The following ROBO2 variants were observed in gnomAD, a reference collection of about 807,000 sequenced individuals.
The protein encoded by ROBO2 is roundabout homolog 2.
ROBO2 carries 53 observed loss-of-function variants against 160.8 expected under a neutral mutation model. The observed-to-expected ratio is 0.33, with a 90% CI of 0.26 to 0.41. The LOEUF is 0.41. Ranked by LOEUF, ROBO2 falls within the 10% of genes least tolerant of loss-of-function variation. The probability of loss-of-function intolerance (pLI) is 1.00; values close to 1 mark genes in which losing one functional copy is unlikely to be tolerated. For synonymous variants in ROBO2, 664 were observed against 611.7 expected (o/e 1.09, Z -1.26); for missense variants, 1,577 against 1,722.4 (o/e 0.92, Z 1.49).
intron 2 of ROBO2, among the ~76,000 whole-genome samples, chr3:77,117,756 C>A (rs773756381): frequency 7.9e-5 from 12 of 152,110 alleles, no homozygotes; most frequent in Non-Finnish European, 1.6e-4. Context: ...ATTTGTAAAT[C>A]TTTCATGTGA....
chr3:76,522,311 A>G (rs1453215905), intron 2 of ROBO2, among the ~76,000 whole-genome samples: 1 of 152,040 alleles, frequency 6.6e-6, no homozygotes, highest in Non-Finnish European at 1.5e-5. Context: ...TTTCCTTGCA[A>G]TTACCCTATG....
chr3:76,578,599 G>A (rs1266857493), intron 2 of ROBO2, among the ~76,000 whole-genome samples: 2 of 151,970 alleles, frequency 1.3e-5, no homozygotes, highest in African/African-American at 4.8e-5. Flanking sequence ...TGGCCTCCAC[G>A]GAGCCTCATT....
At chr3:77,035,174 TA>T (rs1436990860), upstream of ROBO2, among the ~76,000 whole-genome samples, 10 of 152,018 alleles carry the variant, frequency 6.6e-5, no homozygotes, top group East Asian at 1.9e-3. Context: ...AACTCCTTTT[TA>T]ATTTTAGTTT....
intron 1 of ROBO2, among the ~76,000 whole-genome samples, chr3:75,924,239 A>T (rs1317794140): frequency 6.6e-6 from 1 of 152,120 alleles, no homozygotes; most frequent in Admixed American, 6.5e-5. Flanking sequence ...ACCTGACCTT[A>T]AAATGGAGAG....
chr3:76,041,640 C>T lies in ROBO2; in HGVS notation c.109+104038C>T, dbSNP rs576739629. Among the ~76,000 whole-genome samples the T allele has an allele frequency of 1.2e-4, 18 of 151,810 alleles. 1 individual carries two copies. The highest frequency in any genetic ancestry group is 4.1e-4 in the African/African-American group (17 of 41,322). ...AACTTTATAGAATTTTTTGTTTTTT[C>T]ATGTTCTTAATACCACAAAACACTT... On this transcript the variant is annotated intron_variant, in intron 2 of 26. Coordinates refer to the ROBO2 transcript ENST00000487694.
chr3:77,534,073 G>C (rs1346740351), intron 6 of ROBO2, among the ~76,000 whole-genome samples: 2 of 152,084 alleles, frequency 1.3e-5, no homozygotes, highest in Non-Finnish European at 2.9e-5. Flanking sequence ...ATTGATAAAG[G>C]ATTAAGGCTA....
chr3:76,666,477 T>C (rs796908263), intron 2 of ROBO2, among the ~76,000 whole-genome samples: 95 of 152,208 alleles, frequency 6.2e-4, no homozygotes, highest in African/African-American at 2.0e-3. Context: ...AGTAAAACAT[T>C]AGTGAATTTG....
chr3:77,599,538 C>G (rs1343785505), intron 19 of ROBO2, among the ~76,000 whole-genome samples: 1 of 151,010 alleles, frequency 6.6e-6, no homozygotes, highest in Admixed American at 6.6e-5. Context: ...AGGAGATATA[C>G]CTAATGTTAA....
chr3:76,921,422 A>G (rs908742131), intron 2 of ROBO2, among the ~76,000 whole-genome samples: 1 of 151,926 alleles, frequency 6.6e-6, no homozygotes, highest in Non-Finnish European at 1.5e-5. Flanking sequence ...GACTAGCCTG[A>G]CCAACATGGT....
chr3:76,779,231 G>A (rs1225100057), intron 2 of ROBO2, among the ~76,000 whole-genome samples: 1 of 150,942 alleles, frequency 6.6e-6, no homozygotes, highest in Non-Finnish European at 1.5e-5. Flanking sequence ...CACAAAGTAA[G>A]GAGTTTGAGG....
rs542898596 is a variant in ROBO2 at position 77,350,347 on chromosome 3, C to A, written c.389-127067C>A. ...CTCCAGCTTGGGTGACAATGTGGGA[C>A]CCTGTCTTGAAGTAAATATACACTG... is the stretch of plus-strand genomic sequence containing the variant. On this transcript the variant is annotated intron_variant, in intron 2 of 25. Coordinates refer to ENST00000461745, the Ensembl canonical transcript of ROBO2. Among the ~76,000 whole-genome samples the A allele has an allele frequency of 2.0e-5, 3 of 152,064 alleles. No homozygotes were observed. In the South Asian group the frequency reaches 6.2e-4, roughly 32 times the overall value.
intron 2 of ROBO2, among the ~76,000 whole-genome samples, chr3:76,557,220 C>A (rs2083850759): frequency 6.6e-6 from 1 of 151,970 alleles, no homozygotes; most frequent in South Asian, 2.1e-4. Flanking sequence ...ACAATTTCTC[C>A]CCCTTTCCAA....
At chr3:76,237,618 T>C (rs1705023598) in intron 2 of ROBO2, among the ~76,000 whole-genome samples, 1 of 152,202 alleles carries the variant, frequency 6.6e-6, no homozygotes, top group Non-Finnish European at 1.5e-5. Context: ...AAATACCTAC[T>C]GAGCATCTTT....
chr3:77,507,082 GA>G (rs1228577812), intron 5 of ROBO2, among the ~76,000 whole-genome samples: 1 of 152,050 alleles, frequency 6.6e-6, no homozygotes, highest in African/African-American at 2.4e-5. Context: ...AACTAGTAAA[GA>G]ATATCCTAAT....
At chr3:76,594,175 A>G (rs1250321241) in intron 2 of ROBO2, among the ~76,000 whole-genome samples, 1 of 152,004 alleles carries the variant, frequency 6.6e-6, no homozygotes, top group African/African-American at 2.4e-5. Flanking sequence ...AGAATAAGCC[A>G]ATATAATAAG....
intron 2 of ROBO2, among the ~76,000 whole-genome samples, chr3:76,701,537 T>G (rs2093044022): frequency 6.6e-6 from 1 of 152,042 alleles, no homozygotes; most frequent in African/African-American, 2.4e-5. Flanking sequence ...ATTGATTCAT[T>G]GAATCCAGCC....
At chr3:77,587,664 G>A (rs1396948356) in intron 16 of ROBO2, among the ~76,000 whole-genome samples, 2 of 152,030 alleles carry the variant, frequency 1.3e-5, no homozygotes, top group African/African-American at 2.4e-5. Context: ...AAGTGGCAGA[G>A]TGGTTTCATC....
intron 2 of ROBO2, among the ~76,000 whole-genome samples, chr3:75,992,439 G>A (rs1396804717): frequency 3.3e-5 from 5 of 152,138 alleles, no homozygotes; most frequent in Admixed American, 2.6e-4. Context: ...TTGAGCCTGC[G>A]GGTGCACAAA....
chr3:76,689,067 G>T (rs941952023), intron 2 of ROBO2, among the ~76,000 whole-genome samples: 1 of 151,840 alleles, frequency 6.6e-6, no homozygotes, highest in Non-Finnish European at 1.5e-5. Flanking sequence ...TGTTAAATGC[G>T]CATATTTATT....
Sources: gnomAD v4.1 joint callset for allele counts (sites outside exome capture counted in the v4.1 genomes callset) on GRCh38, gnomAD v4.1.1 for gene constraint, MANE v1.5 for transcripts, NCBI Gene and HGNC (gene_info 2026-07-23, HGNC 2026-07-21) for gene names.